IGDCC4: variants seen among roughly 807,000 people sequenced by gnomAD.
The protein encoded by IGDCC4 is likely ortholog of mouse neighbor of Punc E11.
A neutral mutation model predicts 116.6 loss-of-function variants in IGDCC4; 72 were observed. That is an observed-to-expected ratio of 0.62 (90% CI 0.51 to 0.75). IGDCC4 has a LOEUF of 0.75. IGDCC4 is among the 30% of genes least tolerant of loss of function. IGDCC4 has a pLI of 0.00. For synonymous variants in IGDCC4, 709 were observed against 719.9 expected (o/e 0.98, Z 0.24); for missense variants, 1,501 against 1,662.4 (o/e 0.90, Z 1.69).
intron 1 of IGDCC4, among the ~76,000 whole-genome samples, chr15:65,417,849 G>A (rs1026568965): frequency 7.2e-5 from 11 of 152,134 alleles, no homozygotes; most frequent in African/African-American, 2.7e-4. Flanking sequence ...GCCCACCTTG[G>A]CCTCCCAAAG....
At chr15:65,388,652 G>A (rs561167961) in intron 15 of IGDCC4, 66 bp from the exon 16 acceptor site, 1 of 1,608,356 alleles carries the variant, frequency 6.2e-7, no homozygotes, top group Non-Finnish European at 8.5e-7. Flanking sequence ...GAGGTGGGCA[G>A]GGAGGGGACT....
Position 65,393,674 on chromosome 15 carries a change from GC to G in IGDCC4, c.1715-144del. The G allele has an allele frequency of 3.8e-6, 3 of 782,986 alleles. No individual in the cohort carries two copies. The highest frequency in any genetic ancestry group is 5.8e-6 in the Non-Finnish European group (3 of 513,272). The allele number at this position is 782,986 out of a possible 1,614,324, so 48.5% of individuals were successfully genotyped here. A position where few individuals can be genotyped will look rare whatever the true frequency, so the allele number is the denominator to read the frequency against. On this transcript the variant is annotated intron_variant, in intron 9 of 19. Transcript: ENST00000352385. This position sits in a 1 kb window ranked among gnomAD's most constrained non-coding sequence, Gnocchi z 4.6. ...GCGTTCTCAGCACTGACCCCTCAGT[GC>G]CTGGGCAGATTCTATGGCTCCAGGG...
intron 3 of IGDCC4, 110 bp from the exon 4 acceptor site, chr15:65,402,597 A>T: frequency 1.4e-6 from 2 of 1,383,690 alleles, no homozygotes; most frequent in Non-Finnish European, 1.9e-6. Flanking sequence ...GGCTGGGCGC[A>T]GTGGCTCACG....
intron 7 of IGDCC4, 145 bp from the exon 8 acceptor site, chr15:65,395,403 T>A (rs2062913656): frequency 1.2e-6 from 1 of 800,922 alleles, no homozygotes; most frequent in Admixed American, 3.2e-5. Context: ...GTGTATAAAC[T>A]CCCTCAGCTT....
chr15:65,402,590 T>C (rs192007060), intron 3 of IGDCC4, 103 bp from the exon 4 acceptor site: 20,653 of 1,411,642 alleles, frequency 0.015, 190 homozygotes, highest in Middle Eastern at 0.025. Context: ...GATACCAGGC[T>C]GGGCGCAGTG....
In IGDCC4 at chr15:65,386,587, G is replaced by A. The variant is rs1294119131; in HGVS notation, c.2915C>T (p.Ala972Val). The A allele has an allele frequency of 1.2e-6, 2 of 1,611,234 alleles. No individual in the cohort carries two copies. The highest frequency in any genetic ancestry group is 2.2e-5 in the South Asian group (2 of 90,348). The change falls in exon 17 of 20, where the codon GCC becomes GTC. Residue 972 changes from alanine (A) to valine (V), a missense_variant. This residue lies in a region of IGDCC4 where 368 missense variants were observed against 355.6 expected (regional missense o/e 1.03). Coordinates refer to ENST00000352385, the MANE Select transcript of IGDCC4 (RefSeq NM_020962.3). ...GCGGCGCAGGCCAGCACACATGCAG[G>A]CCAGGAGGCAGAGGAGGCCCAGGCA... ...GVCLGLLCLLACMCAGLRRSP... is the reference protein window; with the variant it reads ...GVCLGLLCLLVCMCAGLRRSP...
At chr15:65,402,926 G>C (rs1443572014) in intron 3 of IGDCC4, among the ~76,000 whole-genome samples, 2 of 152,138 alleles carry the variant, frequency 1.3e-5, no homozygotes, top group Non-Finnish European at 2.9e-5. Flanking sequence ...GTGAAAATCA[G>C]AAGGCTTAAT....
intron 1 of IGDCC4, among the ~76,000 whole-genome samples, chr15:65,420,256 C>T (rs537237921): frequency 2.6e-5 from 4 of 152,158 alleles, no homozygotes; most frequent in Non-Finnish European, 5.9e-5. Flanking sequence ...CTATTTCTTA[C>T]TTTCCTCTCT....
At position 65,388,894 on chromosome 15, in the gene IGDCC4, G is replaced by T; in HGVS notation, c.2621C>A (p.Pro874His). 1 of 1,613,934 alleles carries T rather than the reference G, an allele frequency of 6.2e-7. No individual in the cohort carries two copies. Among genetic ancestry groups the T allele is most frequent in the Non-Finnish European group, 8.5e-7 (1 of 1,179,998 alleles). ...VRLHWCPPTE[P>H]NGEIVEYLIL... ...CAGATACTCCACGATCTCCCCGTTG[G>T]GCTCTGTGGGGGGGCACCAGTGCAG... Residue 874 changes from proline to histidine, a missense_variant, in exon 15 of 20, where the codon CCC becomes CAC. Transcript: ENST00000352385.
At chr15:65,397,390 C>T (rs1179771181) in intron 5 of IGDCC4, among the ~76,000 whole-genome samples, 1 of 152,204 alleles carries the variant, frequency 6.6e-6, no homozygotes, top group African/African-American at 2.4e-5. Context: ...GATTCGAATG[C>T]GCACAAAGTT....
At chr15:65,390,086 G>T in intron 13 of IGDCC4, 69 bp downstream of exon 13, 1 of 1,381,030 alleles carries the variant, frequency 7.2e-7, no homozygotes. Flanking sequence ...ACCACCTGCT[G>T]CCTTCCCACC....
intron 1 of IGDCC4, among the ~76,000 whole-genome samples, chr15:65,412,095 G>A (rs1026569777): frequency 5.9e-5 from 9 of 152,186 alleles, no homozygotes; most frequent in African/African-American, 2.2e-4. Flanking sequence ...GCACAGGCCT[G>A]TGGTCCCAGC....
rs1169063261 is a variant in IGDCC4 at position 65,381,880 on chromosome 15, A to T, written c.*2129T>A. On this transcript the variant is annotated 3_prime_UTR_variant, in exon 20 of 20. Coordinates refer to ENST00000352385, the MANE Select transcript of IGDCC4 (RefSeq NM_020962.3). ...GCCACTTTCTTATCAACTGTGAGTT[A>T]TAGGCAGATACCAGATTTATTACTT... 1 of 152,686 alleles carries T rather than the reference A, an allele frequency of 6.5e-6. No individual in the cohort carries two copies. Among genetic ancestry groups the T allele is most frequent in the Non-Finnish European group, 1.5e-5 (1 of 68,052 alleles). 9.5% of individuals were successfully genotyped at this position (152,686 alleles called of 1,614,324 possible).
At chr15:65,399,412 T>C (rs529016309) in intron 5 of IGDCC4, among the ~76,000 whole-genome samples, 2 of 134,362 alleles carry the variant, frequency 1.5e-5, no homozygotes, top group East Asian at 4.1e-4. Flanking sequence ...CAGTAAGCTG[T>C]GATTACACCA....
At chr15:65,403,300 T>C (rs2063007718) in intron 3 of IGDCC4, among the ~76,000 whole-genome samples, 1 of 152,192 alleles carries the variant, frequency 6.6e-6, no homozygotes, top group African/African-American at 2.4e-5. Flanking sequence ...ACAATATGTT[T>C]GGGGACATGT....
At chr15:65,416,591 C>T (rs1263935371) in intron 1 of IGDCC4, among the ~76,000 whole-genome samples, 1 of 151,958 alleles carries the variant, frequency 6.6e-6, no homozygotes, top group African/African-American at 2.4e-5. Flanking sequence ...GCTTACTTGC[C>T]ACCCCCAGCC....
In IGDCC4 at chr15:65,411,032, C is replaced by CA; in HGVS notation, c.408_409insT (p.Val137CysfsTer27). The CA allele has an allele frequency of 6.2e-7, 1 of 1,608,070 alleles. No homozygotes were observed. The highest frequency in any genetic ancestry group is 8.5e-7 in the Non-Finnish European group (1 of 1,175,818). ...TGCAAGCACTTACTGGCAAGCTTGA[C>CA]GACAGCAGTCTGGCTGGCCAGCACT... On this transcript the variant is annotated frameshift_variant, in exon 2 of 20. Coordinates refer to ENST00000352385, the MANE Select transcript of IGDCC4 (RefSeq NM_020962.3). LOFTEE classifies it high-confidence loss of function.
rs201037111 is a variant in IGDCC4 at position 65,395,750 on chromosome 15, C to A, written c.1411G>T (p.Gly471Cys). ...TGCATCCCGCCCCAGGCCGACGTAC[C>A]CCGTGCCTTCTGGTAGTGGAGAGAG... ...GFSLHYQKAR[G>C]MDNVEYQFAV... is the part of the protein sequence containing the mutation. The change falls in exon 7 of 20, where the codon GGC (glycine) becomes TGC (cysteine). Residue 471 changes from glycine to cysteine, a missense_variant and splice_region_variant. Physicochemically the swap from Gly to Cys is radical, Grantham distance 159. Coordinates refer to ENST00000352385, the MANE Select transcript of IGDCC4 (RefSeq NM_020962.3). 1.3e-4 allele frequency: 193 copies of A among 1,444,416 alleles called. No homozygotes were observed. The highest frequency in any genetic ancestry group is 1.7e-4 in the Non-Finnish European group (186 of 1,091,730). The allele number at this position is 1,444,416 out of a possible 1,614,324, so 89.5% of individuals were successfully genotyped here. A position where few individuals can be genotyped will look rare whatever the true frequency, so the allele number is the denominator to read the frequency against.
intron 1 of IGDCC4, among the ~76,000 whole-genome samples, chr15:65,417,891 C>T (rs551555742): frequency 1.3e-5 from 2 of 152,288 alleles, no homozygotes; most frequent in South Asian, 4.1e-4. Flanking sequence ...CCACCATGCC[C>T]AGCCTTCACT....
Sources: allele counts gnomAD v4.1 joint callset (sites outside exome capture counted in the v4.1 genomes callset), GRCh38; gene constraint gnomAD v4.1.1; regional missense constraint gnomAD v4.1.1; non-coding constraint Gnocchi (gnomAD v3.1); transcripts MANE v1.5; gene names NCBI Gene and HGNC (gene_info 2026-07-23, HGNC 2026-07-21).